The following OR8B3 variants were observed in gnomAD, a reference collection of about 807,000 sequenced individuals.
The protein encoded by OR8B3 is olfactory receptor 8B3.
For missense variants in OR8B3, 278 were observed against 377.6 expected (o/e 0.74, Z 2.19); for synonymous variants, 102 against 135.4 (o/e 0.75, Z 1.71).
chr11:124,396,376 T>G lies in OR8B3; in HGVS notation c.*34A>C. On this transcript the variant is annotated 3_prime_UTR_variant, in exon 2 of 2. Transcript: ENST00000641139. Reference sequence around the variant, plus strand: ...GGAACACACTAATAAAAATTTAAAGTTCTTCAATCGTTTTACATTATTACT... The same window carrying G: ...GGAACACACTAATAAAAATTTAAAGGTCTTCAATCGTTTTACATTATTACT... 8 of 1,541,110 alleles carry G rather than the reference T, an allele frequency of 5.2e-6. No homozygotes were observed. The highest frequency in any genetic ancestry group is 6.1e-6 in the Non-Finnish European group (7 of 1,144,446).
At chr11:124,404,323 G>A in the OR8B3 span, 1 of 152,088 alleles carries the variant, frequency 6.6e-6, no homozygotes, top group Non-Finnish European at 1.5e-5. Flanking sequence ...TCATTCTCCA[G>A]AATCAGATAT....
At chr11:124,408,221 A>G in the OR8B3 span, among the ~76,000 whole-genome samples, 1 of 152,286 alleles carries the variant, frequency 6.6e-6, no homozygotes, top group South Asian at 2.1e-4. Flanking sequence ...TTTTAGGTGA[A>G]CAATGCTTAT....
intron 1 of OR8B3, among the ~76,000 whole-genome samples, chr11:124,398,322 A>G (rs1308186804): frequency 6.6e-6 from 1 of 152,226 alleles, no homozygotes; most frequent in East Asian, 1.9e-4. Flanking sequence ...TCTTTGTAGG[A>G]AGGCATAAGA....
At chr11:124,399,776 C>A (rs1266478482), upstream of OR8B3, among the ~76,000 whole-genome samples, 1 of 152,128 alleles carries the variant, frequency 6.6e-6, no homozygotes, top group Non-Finnish European at 1.5e-5. Flanking sequence ...AAACTACAGA[C>A]CTTATTCACT....
the OR8B3 span, chr11:124,405,058 A>G: frequency 9.2e-5 from 14 of 152,248 alleles, no homozygotes; most frequent in African/African-American, 3.1e-4. Flanking sequence ...TGTTAATCTC[A>G]CAAGGATAAA....
At chr11:124,401,410 G>T (rs949991016), upstream of OR8B3, among the ~76,000 whole-genome samples, 1 of 151,872 alleles carries the variant, frequency 6.6e-6, no homozygotes, top group African/African-American at 2.4e-5. Context: ...ATTTGGGAGG[G>T]GACAAACAAT....
upstream of OR8B3, among the ~76,000 whole-genome samples, chr11:124,402,882 G>A (rs1861018853): frequency 6.6e-6 from 1 of 151,812 alleles, no homozygotes; most frequent in South Asian, 2.1e-4. Context: ...CGCAGATGGG[G>A]ATTTGGCAGG....
the OR8B3 span, among the ~76,000 whole-genome samples, chr11:124,409,095 C>G: frequency 6.6e-6 from 1 of 151,912 alleles, no homozygotes; most frequent in African/African-American, 2.4e-5. Context: ...CTCGCCTGCC[C>G]TGCATTACTT....
At chr11:124,405,948 A>G in the OR8B3 span, among the ~76,000 whole-genome samples, 1 of 152,216 alleles carries the variant, frequency 6.6e-6, no homozygotes, top group South Asian at 2.1e-4. Context: ...AATGCAGAAG[A>G]GTGAATGCTC....
chr11:124,399,911 C>CCTGCTTTG (rs1860961960), upstream of OR8B3, among the ~76,000 whole-genome samples: 1 of 148,638 alleles, frequency 6.7e-6, no homozygotes, highest in African/African-American at 2.5e-5. Context: ...GAGACTGTGT[C>CCTGCTTTG]CTGCTTTGCT....
chr11:124,408,820 T>C, the OR8B3 span, among the ~76,000 whole-genome samples: 19,940 of 152,146 alleles, frequency 0.13, 1,391 homozygotes, highest in African/African-American at 0.17. Context: ...ACCATGGCAA[T>C]ACTCAATGTC....
At chr11:124,401,222 C>CAGAGAGAGAGATAGAG (rs143450507), upstream of OR8B3, among the ~76,000 whole-genome samples, 2 of 142,398 alleles carry the variant, frequency 1.4e-5, no homozygotes, top group Non-Finnish European at 3.0e-5. Context: ...TGCAAAGAGA[C>CAGAGAGAGAGATAGAG]AGAGAGAGAG....
At chr11:124,404,813 A>G in the OR8B3 span, 2 of 152,188 alleles carry the variant, frequency 1.3e-5, no homozygotes, top group Non-Finnish European at 2.9e-5. Flanking sequence ...ACAAAGATGC[A>G]AAAGAAATAT....
In OR8B3 at chr11:124,396,277, C is replaced by T. The variant is rs1300308779; in HGVS notation, c.*133G>A. The T allele has an allele frequency of 1.2e-6, 1 of 858,918 alleles. No homozygotes were observed. The highest frequency in any genetic ancestry group is 1.7e-5 in the African/African-American group (1 of 58,106). 53.2% of individuals were successfully genotyped at this position (858,918 alleles called of 1,614,324 possible). A position where few individuals can be genotyped will look rare whatever the true frequency, so the allele number is the denominator to read the frequency against. On this transcript the variant is annotated 3_prime_UTR_variant, in exon 2 of 2. Transcript: ENST00000641139. ...ACCAAAAAAAGAGACAAGATGATTTCATAAGAGAAATGATAAGACAAGTTT... is the reference window on the plus strand; with the variant it reads ...ACCAAAAAAAGAGACAAGATGATTTTATAAGAGAAATGATAAGACAAGTTT...
the OR8B3 span, chr11:124,405,192 T>C: frequency 1.3e-4 from 20 of 152,206 alleles, no homozygotes; most frequent in Admixed American, 1.2e-3. Flanking sequence ...GAGCTGGATC[T>C]GCTGGATTGT....
At chr11:124,399,716 T>A (rs897363898), upstream of OR8B3, among the ~76,000 whole-genome samples, 5 of 152,198 alleles carry the variant, frequency 3.3e-5, no homozygotes, top group African/African-American at 1.2e-4. Context: ...TCCACGACTA[T>A]AGGACAATAG....
chr11:124,409,774 C>G, the OR8B3 span, among the ~76,000 whole-genome samples: 1 of 152,184 alleles, frequency 6.6e-6, no homozygotes, highest in Admixed American at 6.5e-5. Context: ...ACCTTAGAGA[C>G]TTAGCCAGAG....
upstream of OR8B3, among the ~76,000 whole-genome samples, chr11:124,399,575 A>G (rs994311497): frequency 6.6e-6 from 1 of 152,142 alleles, no homozygotes; most frequent in Non-Finnish European, 1.5e-5. Context: ...GTAGGTAGGA[A>G]TTTGTGCTTG....
chr11:124,402,834 TC>T (rs2134213534), upstream of OR8B3, among the ~76,000 whole-genome samples: 1 of 60,682 alleles, frequency 1.6e-5, no homozygotes, highest in South Asian at 1.2e-3. Context: ...AAATGATGCT[TC>T]TTTTTTTTTT....
Sources: gnomAD v4.1 joint callset for allele counts (sites outside exome capture counted in the v4.1 genomes callset) on GRCh38, gnomAD v4.1.1 for gene constraint, MANE v1.5 for transcripts, NCBI Gene and HGNC (gene_info 2026-07-23, HGNC 2026-07-21) for gene names.